GUSB: variants seen among roughly 807,000 people sequenced by gnomAD.
The protein encoded by GUSB is beta-glucuronidase.
In GUSB, 51 loss-of-function variants were observed where a neutral mutation model predicts 74.6. The ratio of observed to expected loss-of-function variants is 0.68; its 90% CI spans 0.55 to 0.86. The LOEUF is 0.86. Ranked by LOEUF, GUSB falls within the 40% of genes least tolerant of loss-of-function variation. GUSB has a pLI of 0.00. For synonymous variants in GUSB, 360 were observed against 348.3 expected (o/e 1.03, Z -0.37); for missense variants, 736 against 853.7 (o/e 0.86, Z 1.72).
intron 11 of GUSB, among the ~76,000 whole-genome samples, chr7:65,961,533 TG>T (rs1260031940): frequency 8.5e-5 from 13 of 152,284 alleles, no homozygotes; most frequent in African/African-American, 3.1e-4. Context: ...CCAGGTTCCC[TG>T]GTGTGTTAAT....
intron 10 of GUSB, 110 bp downstream of exon 10, chr7:65,967,621 C>G: frequency 1.1e-6 from 1 of 933,776 alleles, no homozygotes; most frequent in East Asian, 2.4e-5. Context: ...GGAGGAGAGC[C>G]CAAAGCTGAA....
intron 2 of GUSB, 39 bp downstream of exon 2, chr7:65,980,185 G>GGGGGCCC: frequency 1.4e-6 from 1 of 725,272 alleles, no homozygotes; most frequent in Non-Finnish European, 2.4e-6. Context: ...CAGCAGCCGT[G>GGGGGCCC]CCCCCCCACC....
intron 9 of GUSB, among the ~76,000 whole-genome samples, chr7:65,968,870 A>C (rs1287189353): frequency 1.3e-5 from 2 of 152,118 alleles, no homozygotes; most frequent in Non-Finnish European, 2.9e-5. Flanking sequence ...GATAGGTGTA[A>C]GCCACCATGC....
chr7:65,980,480 G>A, intron 1 of GUSB, 71 bp from the exon 2 acceptor site: 3 of 1,385,404 alleles, frequency 2.2e-6, no homozygotes, highest in South Asian at 1.2e-5. Flanking sequence ...CTGCACGGCT[G>A]TGCCCCCAGG....
chr7:65,961,251 C>T (rs1003425144), intron 11 of GUSB, among the ~76,000 whole-genome samples, 188 bp from the exon 12 acceptor site: 1 of 152,032 alleles, frequency 6.6e-6, no homozygotes, highest in African/African-American at 2.4e-5. Flanking sequence ...TGGGCTCAGG[C>T]AATCCTCCTG....
chr7:65,969,144 G>T (rs1285701995), intron 9 of GUSB, among the ~76,000 whole-genome samples: 1 of 152,162 alleles, frequency 6.6e-6, no homozygotes, highest in Non-Finnish European at 1.5e-5. Flanking sequence ...ACGTTGGGAG[G>T]CCAAAGTGGG....
intron 11 of GUSB, chr7:65,964,117 AT>A: frequency 1.6e-6 from 1 of 615,568 alleles, no homozygotes; most frequent in Non-Finnish European, 3.0e-6. Flanking sequence ...TTTTGACCGT[AT>A]TTGGGAGGCG....
intron 4 of GUSB, among the ~76,000 whole-genome samples, chr7:65,976,711 C>T (rs972168871): frequency 2.6e-5 from 4 of 151,700 alleles, no homozygotes; most frequent in African/African-American, 4.8e-5. Context: ...GTGGGAGGAT[C>T]GCTTGAGACC....
intron 8 of GUSB, among the ~76,000 whole-genome samples, chr7:65,970,823 A>G (rs1791155610): frequency 6.6e-6 from 1 of 151,920 alleles, no homozygotes; most frequent in Non-Finnish European, 1.5e-5. Flanking sequence ...CAGAAGGAGG[A>G]GTCTGCAGTG....
intron 10 of GUSB, 38 bp from the exon 11 acceptor site, chr7:65,964,496 T>A (rs755241336): frequency 1.3e-6 from 2 of 1,596,772 alleles, no homozygotes; most frequent in Non-Finnish European, 1.7e-6. Context: ...GAGTCAGAAC[T>A]GGCAGAATTG....
chr7:65,970,668 C>T (rs1172402029), intron 8 of GUSB, among the ~76,000 whole-genome samples: 1 of 151,748 alleles, frequency 6.6e-6, no homozygotes, highest in African/African-American at 2.4e-5. Context: ...CCGAGGCGGG[C>T]AGATCACAAG....
intron 8 of GUSB, among the ~76,000 whole-genome samples, chr7:65,971,155 T>G (rs903906179): frequency 1.1e-4 from 17 of 151,844 alleles, no homozygotes; most frequent in Non-Finnish European, 2.1e-4. Context: ...ACACAGGAGG[T>G]GGATGGATGC....
chr7:65,981,754 C>T (rs1222883527), intron 1 of GUSB: 3 of 528,726 alleles, frequency 5.7e-6, no homozygotes, highest in East Asian at 6.4e-5. Context: ...GGAAAGGGCT[C>T]GGCAAGAGCC....
intron 8 of GUSB, among the ~76,000 whole-genome samples, chr7:65,971,659 G>A (rs1026837652): frequency 2.0e-5 from 3 of 151,876 alleles, no homozygotes; most frequent in African/African-American, 7.2e-5. Flanking sequence ...CTGAACCCAG[G>A]AGGTAGAGGT....
intron 4 of GUSB, among the ~76,000 whole-genome samples, chr7:65,976,617 AC>A (rs1791594928): frequency 6.7e-6 from 1 of 148,286 alleles, no homozygotes; most frequent in Non-Finnish European, 1.5e-5. Context: ...GAGCCACCGC[AC>A]CCGGTGCTTT....
intron 8 of GUSB, 32 bp downstream of exon 8, chr7:65,974,263 A>T: frequency 6.2e-7 from 1 of 1,610,300 alleles, no homozygotes; most frequent in Non-Finnish European, 8.5e-7. Context: ...TCTCCTTCCC[A>T]CTCTAGCCGA....
intron 10 of GUSB, among the ~76,000 whole-genome samples, chr7:65,966,940 G>T (rs1204836903): frequency 6.6e-6 from 1 of 152,110 alleles, no homozygotes; most frequent in African/African-American, 2.4e-5. Context: ...TAAGAAAAAG[G>T]ATATTTTAGT....
Position 65,976,416 on chromosome 7 carries a change from C to T in GUSB, c.725-214G>A, listed in dbSNP as rs184769896. On this transcript the variant is annotated intron_variant, in intron 4 of 11. Transcript: ENST00000304895. ...TCTCGGCTCACTGCAACCTCCACCT[C>T]TGGGGTTCAGGTGATTCTCCTGTCT... Among the ~76,000 whole-genome samples, 305 of 152,044 alleles carry T rather than the reference C, an allele frequency of 2.0e-3. 1 individual carries two copies. Among genetic ancestry groups the T allele is most frequent in the Middle Eastern group, 6.8e-3 (2 of 294 alleles).
intron 11 of GUSB, 127 bp downstream of exon 11, chr7:65,964,195 TA>T (rs1447462689): frequency 2.2e-6 from 2 of 910,752 alleles, no homozygotes; most frequent in Non-Finnish European, 3.7e-6. Context: ...CAACGCAACC[TA>T]CATGGATTAA....
Sources: allele counts gnomAD v4.1 joint callset (sites outside exome capture counted in the v4.1 genomes callset), GRCh38; gene constraint gnomAD v4.1.1; transcripts MANE v1.5; gene names NCBI Gene and HGNC (gene_info 2026-07-23, HGNC 2026-07-21).